The following TRIM2 variants were observed in gnomAD, a reference collection of about 807,000 sequenced individuals.
The protein encoded by TRIM2 is tripartite motif containing 2.
A neutral mutation model predicts 75.2 loss-of-function variants in TRIM2; 20 were observed. That is an observed-to-expected ratio of 0.27 (90% CI 0.19 to 0.39). The LOEUF (loss-of-function observed/expected upper bound fraction) is 0.39, where lower values mean the gene tolerates loss of function less well. Among genes scored for constraint, TRIM2 ranks in the 10% least tolerant of loss-of-function variants. TRIM2 has a pLI of 1.00. For missense variants in TRIM2, 660 were observed against 990.8 expected (o/e 0.67, Z 4.48); for synonymous variants, 373 against 388.3 (o/e 0.96, Z 0.46).
intron 1 of TRIM2, among the ~76,000 whole-genome samples, chr4:153,256,869 C>A (rs1010515476): frequency 6.6e-6 from 1 of 152,028 alleles, no homozygotes; most frequent in Non-Finnish European, 1.5e-5. Context: ...GGGGTAAATA[C>A]CAAGAGAGGA....
intron 1 of TRIM2, among the ~76,000 whole-genome samples, chr4:153,169,046 T>A (rs563741300): frequency 1.4e-3 from 219 of 152,210 alleles, no homozygotes; most frequent in Admixed American, 2.2e-3. Context: ...ACCACTGCAC[T>A]CCCACCTGGA....
At chr4:153,246,832 C>T (rs1749296748) in intron 1 of TRIM2, among the ~76,000 whole-genome samples, 1 of 152,198 alleles carries the variant, frequency 6.6e-6, no homozygotes, top group East Asian at 1.9e-4. Context: ...GCACACATTC[C>T]ATCTGCTGCT....
chr4:153,200,727 ATATAT>A (rs1560805728), upstream of TRIM2, among the ~76,000 whole-genome samples: 515 of 128,334 alleles, frequency 4.0e-3, 2 homozygotes, highest in African/African-American at 0.012. Context: ...AAAAAAAAAT[ATATAT>A]ATATATATAT....
intron 1 of TRIM2, among the ~76,000 whole-genome samples, chr4:153,242,584 A>G (rs955015313): frequency 2.0e-5 from 3 of 152,210 alleles, no homozygotes; most frequent in African/African-American, 7.2e-5. Flanking sequence ...GCTATTTGCT[A>G]TTCCTCAGCA....
chr4:153,206,548 G>A (rs183098163), intron 1 of TRIM2, among the ~76,000 whole-genome samples: 1 of 152,172 alleles, frequency 6.6e-6, no homozygotes, highest in East Asian at 1.9e-4. Context: ...CTCTCCCAGC[G>A]TCTCCATGTG....
intron 3 of TRIM2, among the ~76,000 whole-genome samples, chr4:153,279,457 A>G (rs1009164577): frequency 1.6e-5 from 2 of 121,908 alleles, no homozygotes; most frequent in Non-Finnish European, 3.2e-5. Context: ...GTTAATAATT[A>G]TTTAATCAAT....
chr4:153,202,998 A>G (rs1192622135), upstream of TRIM2, among the ~76,000 whole-genome samples: 1 of 149,770 alleles, frequency 6.7e-6, no homozygotes, highest in Non-Finnish European at 1.5e-5. Flanking sequence ...CCAGCTACTC[A>G]GGAGCCTGAG....
rs558248719 is a variant in TRIM2 at position 153,334,806 on chromosome 4, G to T, written c.2164-8G>T. On this transcript the variant is annotated splice_region_variant and splice_polypyrimidine_tract_variant and intron_variant, in intron 11 of 11. Coordinates refer to ENST00000338700, the MANE Select transcript of TRIM2 (RefSeq NM_015271.5). ...CCTATAACATTCTGACTTCCTATTTGTTTACAGGTTTTTGATGGGAGTGGA... is the reference window on the plus strand; with the variant it reads ...CCTATAACATTCTGACTTCCTATTTTTTTACAGGTTTTTGATGGGAGTGGA... The T allele has an allele frequency of 1.9e-6, 3 of 1,606,974 alleles. No homozygotes were observed. Among genetic ancestry groups the T allele is most frequent in the Middle Eastern group, 1.7e-4 (1 of 6,038 alleles).
intron 1 of TRIM2, among the ~76,000 whole-genome samples, chr4:153,226,176 C>G (rs958956367): frequency 1.3e-5 from 2 of 152,174 alleles, no homozygotes; most frequent in Non-Finnish European, 2.9e-5. Context: ...TGGCCTATGT[C>G]CTGCCTTTGA....
chr4:153,326,826 C>G (rs562104901), intron 10 of TRIM2, among the ~76,000 whole-genome samples: 48 of 152,060 alleles, frequency 3.2e-4, no homozygotes, highest in Non-Finnish European at 5.2e-4. Context: ...AGTAAAAATA[C>G]AAAAATTAGC....
intron 3 of TRIM2, 139 bp downstream of exon 3, chr4:153,276,269 C>T: frequency 1.5e-6 from 1 of 677,054 alleles, no homozygotes; most frequent in East Asian, 2.6e-5. Context: ...TTTTACCAGC[C>T]CTCAGACTAC....
Position 153,253,245 on chromosome 4 carries a change from C to T in TRIM2, c.31-17090C>T, listed in dbSNP as rs150409675. Among the ~76,000 whole-genome samples, 70 of 152,244 alleles carry T rather than the reference C, an allele frequency of 4.6e-4. 1 individual carries two copies. In the East Asian group the frequency reaches 0.013, roughly 29 times the overall value. On this transcript the variant is annotated intron_variant, in intron 1 of 11. Transcript: ENST00000338700. ...CCTGGCAGAACAAGTGGTAAGTGAG[C>T]CTAGAGATTAGTGTTTCTCAAAGGA...
intron 1 of TRIM2, among the ~76,000 whole-genome samples, chr4:153,219,301 A>G (rs1579687555): frequency 6.6e-6 from 1 of 152,168 alleles, no homozygotes; most frequent in African/African-American, 2.4e-5. Flanking sequence ...CCAGAAAAAA[A>G]CCTACCAGGA....
intron 11 of TRIM2, among the ~76,000 whole-genome samples, chr4:153,330,618 A>T (rs1771250974): frequency 6.6e-6 from 1 of 152,222 alleles, no homozygotes; most frequent in Non-Finnish European, 1.5e-5. Context: ...TCTAAAGAAG[A>T]AAAACTATAT....
chr4:153,226,972 TA>T (rs1196521424), intron 1 of TRIM2, among the ~76,000 whole-genome samples: 1 of 152,202 alleles, frequency 6.6e-6, no homozygotes. Flanking sequence ...TACAATAGCC[TA>T]AAAGGCAAAG....
At chr4:153,153,008 AGGCATGC>A (rs1728864660), upstream of TRIM2, 1 of 152,288 alleles carries the variant, frequency 6.6e-6, no homozygotes, top group East Asian at 1.9e-4. Flanking sequence ...GACTGCGGCT[AGGCATGC>A]GGATTTAGTT....
In TRIM2 at chr4:153,334,865, C is replaced by A. The variant is rs199912457; in HGVS notation, c.2215C>A (p.Pro739Thr). The A allele has an allele frequency of 6.2e-7, 1 of 1,613,816 alleles. No homozygotes were observed. The highest frequency in any genetic ancestry group is 8.5e-7 in the Non-Finnish European group (1 of 1,179,904). The change falls in exon 12 of 12, where the codon CCA becomes ACA. Residue 739 changes from proline (P) to threonine (T), a missense_variant. By Grantham distance (38) the Pro-to-Thr change is conservative (BLOSUM62 -1). Coordinates refer to ENST00000338700, the MANE Select transcript of TRIM2 (RefSeq NM_015271.5). ...GTCCTACATTAACACATCTGCTGACCCACTCTATGGCCCCCAAGGCCTGGC... is the reference window on the plus strand; with the variant it reads ...GTCCTACATTAACACATCTGCTGACACACTCTATGGCCCCCAAGGCCTGGC... Reference protein sequence around the residue: ...FLSYINTSADPLYGPQGLALT... With the variant: ...FLSYINTSADTLYGPQGLALT...
At chr4:153,304,401 AC>A (rs747187768) in intron 6 of TRIM2, among the ~76,000 whole-genome samples, 2 of 152,162 alleles carry the variant, frequency 1.3e-5, no homozygotes, top group Non-Finnish European at 2.9e-5. Context: ...GGCGTGAGCC[AC>A]CATGCCCGGC....
intron 1 of TRIM2, among the ~76,000 whole-genome samples, chr4:153,264,330 A>C (rs1026629077): frequency 1.3e-5 from 2 of 152,108 alleles, no homozygotes; most frequent in African/African-American, 4.8e-5. Flanking sequence ...GCTTTTTGTC[A>C]ATGTGTCTGA....
Sources: allele counts gnomAD v4.1 joint callset (sites outside exome capture counted in the v4.1 genomes callset), GRCh38; gene constraint gnomAD v4.1.1; transcripts MANE v1.5; gene names NCBI Gene and HGNC (gene_info 2026-07-23, HGNC 2026-07-21).